The following NAA25 variants were observed in gnomAD, a reference collection of about 807,000 sequenced individuals.
The protein encoded by NAA25 is N-terminal acetyltransferase B complex subunit NAA25.
NAA25 carries 30 observed loss-of-function variants against 132.5 expected under a neutral mutation model. The ratio of observed to expected loss-of-function variants is 0.23; its 90% confidence interval spans 0.17 to 0.31. NAA25 has a LOEUF of 0.31. Ranked by LOEUF, NAA25 falls within the 10% of genes least tolerant of loss-of-function variation. NAA25 has a pLI of 1.00. For synonymous variants in NAA25, 359 were observed against 401.9 expected (o/e 0.89, Z 1.28); for missense variants, 771 against 1,150.4 (o/e 0.67, Z 4.77).
At chr12:112,038,687 A>G (rs1381185840) in intron 22 of NAA25, among the ~76,000 whole-genome samples, 3 of 152,200 alleles carry the variant, frequency 2.0e-5, no homozygotes, top group Non-Finnish European at 4.4e-5. Flanking sequence ...CACATAAAAT[A>G]CACTAATGTT....
Position 112,029,373 on chromosome 12 carries a change from A to T in NAA25, c.*158T>A, listed in dbSNP as rs979236923. The T allele has an allele frequency of 3.4e-5, 39 of 1,145,390 alleles. 1 individual carries two copies. The African/African-American group carries it at 5.3e-4, about 16-fold the overall frequency. 71.0% of individuals were successfully genotyped at this position (1,145,390 alleles called of 1,614,324 possible). ...TATATACAATAATTTAATCAGTTGTATATATTTAACACCTAAAAAAATTCA... is the reference window on the plus strand; with the variant it reads ...TATATACAATAATTTAATCAGTTGTTTATATTTAACACCTAAAAAAATTCA... On this transcript the variant is annotated 3_prime_UTR_variant, in exon 24 of 24. Transcript: ENST00000261745.
intron 11 of NAA25, among the ~76,000 whole-genome samples, chr12:112,067,314 G>C (rs1294874804): frequency 2.0e-5 from 3 of 152,178 alleles, no homozygotes; most frequent in Non-Finnish European, 4.4e-5. Context: ...GCAAACTACA[G>C]ACTGGGAGAA....
chr12:112,036,342 T>C (rs1376154957), intron 22 of NAA25, among the ~76,000 whole-genome samples: 2 of 152,240 alleles, frequency 1.3e-5, no homozygotes, highest in Admixed American at 6.5e-5. Flanking sequence ...TTTAATGAGT[T>C]TGTTATTGGA....
chr12:112,054,671 A>G, intron 13 of NAA25, 103 bp from the exon 14 acceptor site: 1 of 1,058,780 alleles, frequency 9.4e-7, no homozygotes. Context: ...CCCCCAATAA[A>G]TGAAGTTAAA....
intron 1 of NAA25, among the ~76,000 whole-genome samples, chr12:112,106,613 AATC>A (rs2079364681): frequency 1.3e-5 from 2 of 152,108 alleles, no homozygotes; most frequent in Non-Finnish European, 2.9e-5. Flanking sequence ...ACCTCAGGCA[AATC>A]AGTGTCTTCA....
chr12:112,093,833 G>A (rs909737409), intron 1 of NAA25, among the ~76,000 whole-genome samples: 2 of 152,108 alleles, frequency 1.3e-5, no homozygotes, highest in Non-Finnish European at 2.9e-5. Flanking sequence ...TGTGAGCCAC[G>A]GTCGTGCCAC....
chr12:112,092,081 A>G (rs911894835), intron 2 of NAA25, among the ~76,000 whole-genome samples: 1 of 152,034 alleles, frequency 6.6e-6, no homozygotes, highest in African/African-American at 2.4e-5. Flanking sequence ...TCTACTAAAA[A>G]TACAAAAAAA....
chr12:112,105,129 GAAC>G (rs550997144), intron 1 of NAA25, among the ~76,000 whole-genome samples: 1 of 151,898 alleles, frequency 6.6e-6, no homozygotes, highest in Non-Finnish European at 1.5e-5. Context: ...AGACCAGCCT[GAAC>G]AACATGGTGA....
At chr12:112,035,686 T>C (rs2078215535) in intron 22 of NAA25, among the ~76,000 whole-genome samples, 1 of 151,598 alleles carries the variant, frequency 6.6e-6, no homozygotes, top group African/African-American at 2.4e-5. Context: ...ACTTTCTTTT[T>C]TTTTTTTTTT....
At chr12:112,050,292 A>G (rs1235703149) in intron 15 of NAA25, among the ~76,000 whole-genome samples, 3 of 152,164 alleles carry the variant, frequency 2.0e-5, no homozygotes, top group Non-Finnish European at 4.4e-5. Context: ...CTGGAACTGC[A>G]GGCAAAACTG....
chr12:112,073,923 A>G lies in NAA25; in HGVS notation c.866+752T>C, dbSNP rs115564414. ...GTACTCTTAAGCCACTGGGGGGAAA[A>G]AAAATGAAAGAGATCTACATGTACC... On this transcript the variant is annotated intron_variant, in intron 9 of 23. Coordinates refer to ENST00000261745, the MANE Select transcript of NAA25 (RefSeq NM_024953.4). 9.8e-3 allele frequency among the ~76,000 whole-genome samples: 1,493 copies of G among 151,942 alleles called. 24 individuals carry two copies. The highest frequency in any genetic ancestry group is 0.034 in the African/African-American group (1,418 of 41,384).
intron 6 of NAA25, 116 bp from the exon 7 acceptor site, chr12:112,078,382 C>T (rs1307911619): frequency 5.1e-6 from 4 of 781,758 alleles, no homozygotes; most frequent in African/African-American, 3.5e-5. Flanking sequence ...TGAGATGAAA[C>T]TGACAGTACG....
chr12:112,095,129 C>T (rs1406400589), intron 1 of NAA25, among the ~76,000 whole-genome samples: 1 of 151,938 alleles, frequency 6.6e-6, no homozygotes, highest in Non-Finnish European at 1.5e-5. Context: ...CAGCAAGACA[C>T]CATCTCTAGA....
At chr12:112,047,594 T>A in intron 17 of NAA25, 71 bp downstream of exon 17, 1 of 1,559,172 alleles carries the variant, frequency 6.4e-7, no homozygotes. Context: ...TGAGCTATGA[T>A]CTTGGTCTCT....
chr12:112,101,215 T>C (rs1346749016), intron 1 of NAA25, among the ~76,000 whole-genome samples: 2 of 152,308 alleles, frequency 1.3e-5, no homozygotes, highest in South Asian at 2.1e-4. Context: ...TATGCTCTCA[T>C]GGCAAACTGT....
chr12:112,091,011 T>A, intron 2 of NAA25, 147 bp from the exon 3 acceptor site: 1 of 723,754 alleles, frequency 1.4e-6, no homozygotes, highest in Non-Finnish European at 2.2e-6. Flanking sequence ...CTCACATCTG[T>A]AATCCCGGCA....
At chr12:112,093,173 C>T in intron 1 of NAA25, 37 bp from the exon 2 acceptor site, 1 of 1,187,636 alleles carries the variant, frequency 8.4e-7, no homozygotes, top group Non-Finnish European at 1.2e-6. Flanking sequence ...TTATTATATT[C>T]CTTCAATAAC....
At chr12:112,041,623 C>G (rs1255450930) in intron 20 of NAA25, among the ~76,000 whole-genome samples, 4 of 152,004 alleles carry the variant, frequency 2.6e-5, no homozygotes, top group African/African-American at 9.7e-5. Context: ...AAATAATACC[C>G]TAACAATTTG....
At chr12:112,055,866 A>G (rs1478180081) in intron 13 of NAA25, among the ~76,000 whole-genome samples, 1 of 152,236 alleles carries the variant, frequency 6.6e-6, no homozygotes, top group African/African-American at 2.4e-5. Flanking sequence ...ACCATGCAGT[A>G]AGATTTTAAG....
Sources: gnomAD v4.1 joint callset for allele counts (sites outside exome capture counted in the v4.1 genomes callset) on GRCh38, gnomAD v4.1.1 for gene constraint, MANE v1.5 for transcripts, NCBI Gene and HGNC (gene_info 2026-07-23, HGNC 2026-07-21) for gene names.